The following TTC21B variants were observed in gnomAD, a reference collection of about 807,000 sequenced individuals.
TTC21B encodes tetratricopeptide repeat domain 21B.
In TTC21B, 127 loss-of-function variants were observed where a neutral mutation model predicts 175.1. That is an observed-to-expected ratio of 0.73 (90% CI 0.63 to 0.84). The LOEUF (loss-of-function observed/expected upper bound fraction) is 0.84. TTC21B is among the 40% of genes least tolerant of loss of function. The probability of loss-of-function intolerance (pLI) is 0.00; values close to 1 mark genes in which losing one functional copy is unlikely to be tolerated. For synonymous variants in TTC21B, 524 were observed against 524.5 expected (o/e 1.00, Z 0.01); for missense variants, 1,561 against 1,558.3 (o/e 1.00, Z -0.03).
chr2:165,944,981 T>C (rs1245680216), intron 4 of TTC21B, among the ~76,000 whole-genome samples: 1 of 152,202 alleles, frequency 6.6e-6, no homozygotes, highest in Non-Finnish European at 1.5e-5. Context: ...TTTAAAACAG[T>C]GCCTAGCACA....
rs547150538 is a variant in TTC21B, at chr2:165,941,269, G to A, written c.553-85C>T. ...AACGCAGAGCAGGCAGAGTATGAGC[G>A]TTTAATACTTACTTTTCTGTGAGGA... is the stretch of plus-strand genomic sequence containing the variant. On this transcript the variant is annotated intron_variant, in intron 5 of 28. Coordinates refer to ENST00000243344, the MANE Select transcript of TTC21B (RefSeq NM_024753.5). 1.7e-5 allele frequency: 24 copies of A among 1,446,608 alleles called. No individual in the cohort carries two copies. The South Asian group carries it at 2.2e-4, about 13-fold the overall frequency. The allele number at this position is 1,446,608 out of a possible 1,614,324, so 89.6% of individuals were successfully genotyped here. A position where few individuals can be genotyped will look rare whatever the true frequency, so the allele number is the denominator to read the frequency against.
At chr2:165,929,931 C>T (rs1686823920) in intron 9 of TTC21B, among the ~76,000 whole-genome samples, 184 bp from the exon 10 acceptor site, 1 of 151,872 alleles carries the variant, frequency 6.6e-6, no homozygotes, top group Admixed American at 6.6e-5. Context: ...AGCCTTGGAC[C>T]TTATAAAATC....
At chr2:165,890,706 A>C in intron 23 of TTC21B, 66 bp from the exon 24 acceptor site, 1 of 1,565,080 alleles carries the variant, frequency 6.4e-7, no homozygotes, top group Non-Finnish European at 8.8e-7. Context: ...TTAGTTTATA[A>C]TCTGTCTGGT....
Position 165,924,644 on chromosome 2 carries a change from A to G in TTC21B, c.1421T>C (p.Leu474Pro), listed in dbSNP as rs1326418881. The G allele has an allele frequency of 6.2e-7, 1 of 1,613,772 alleles. No homozygotes were observed. Among genetic ancestry groups the G allele is most frequent in the South Asian group, 1.1e-5 (1 of 91,060 alleles). ...CTCCAGGACTGAGATGCAACGCCTG[A>G]GAAGTGGACAAAGAGGTTGCCCAGG... ...ASPGQPLCPLLRRCISVLETV... is the reference protein window; with the variant it reads ...ASPGQPLCPLPRRCISVLETV... The change falls in exon 12 of 29, where the codon CTC becomes CCC. Residue 474 changes from leucine to proline, a missense_variant. Leu to Pro is a moderately conservative substitution (Grantham distance 98). Transcript: ENST00000243344.
Position 165,945,677 on chromosome 2 carries a change from A to C in TTC21B, c.276T>G (p.Ile92Met), listed in dbSNP as rs375166644. 15 of 1,613,392 alleles carry C rather than the reference A, an allele frequency of 9.3e-6. No homozygotes were observed. The South Asian group carries it at 1.4e-4, about 15-fold the overall frequency. The change falls in exon 4 of 29, where the codon ATT becomes ATG. Residue 92 changes from isoleucine (I) to methionine (M), a missense_variant. Coordinates refer to ENST00000243344, the MANE Select transcript of TTC21B (RefSeq NM_024753.5). Reference sequence around the variant, plus strand: ...CCTTCACTCTGGCATCTGATTCCAGAATAGCTTCTCTATCTGGTAGGGGAA... The same window carrying C: ...CCTTCACTCTGGCATCTGATTCCAGCATAGCTTCTCTATCTGGTAGGGGAA... ...KMSPNPDREA[I>M]LESDARVKEQ...
chr2:165,933,459 C>T (rs1686987747), intron 6 of TTC21B, among the ~76,000 whole-genome samples: 1 of 151,992 alleles, frequency 6.6e-6, no homozygotes, highest in Non-Finnish European at 1.5e-5. Context: ...ACAACAGATT[C>T]CTACGTGATA....
intron 25 of TTC21B, among the ~76,000 whole-genome samples, chr2:165,887,836 T>G (rs1264271376): frequency 6.6e-6 from 1 of 152,248 alleles, no homozygotes; most frequent in African/African-American, 2.4e-5. Flanking sequence ...TTTGTATGAC[T>G]AAATTATAAG....
rs772342756 is a variant in TTC21B, at chr2:165,933,040, C to T, written c.728G>A (p.Ser243Asn). 1.9e-6 allele frequency: 3 copies of T among 1,612,672 alleles called. No individual in the cohort carries two copies. Among genetic ancestry groups the T allele is most frequent in the Non-Finnish European group, 2.5e-6 (3 of 1,179,382 alleles). ...ETAQRLLLQD[S>N]QNVEALRMQA... ...CATTCTCAGTGCTTCCACATTTTGG[C>T]TATCTTGGAGCAGCAACCTGCAGGA... is the stretch of plus-strand genomic sequence containing the variant. The change falls in exon 7 of 29, where the codon AGC becomes AAC. Residue 243 changes from serine to asparagine, a missense_variant. Coordinates refer to ENST00000243344, the MANE Select transcript of TTC21B (RefSeq NM_024753.5).
chr2:165,916,121 A>G (rs1383967984), intron 14 of TTC21B, among the ~76,000 whole-genome samples: 2 of 152,144 alleles, frequency 1.3e-5, no homozygotes, highest in African/African-American at 4.8e-5. Flanking sequence ...TCTACAAAAT[A>G]TTTTAAAAAC....
At position 165,874,739 on chromosome 2, in the gene TTC21B, T is replaced by G; in HGVS notation, c.*16A>C. Reference sequence around the variant, plus strand: ...TTTCATTTCCTGTTAAACCAACACCTAAGTTAAAATTATTTTCAAGGTCTT... The same window carrying G: ...TTTCATTTCCTGTTAAACCAACACCGAAGTTAAAATTATTTTCAAGGTCTT... On this transcript the variant is annotated 3_prime_UTR_variant, in exon 29 of 29. Coordinates refer to ENST00000243344, the MANE Select transcript of TTC21B (RefSeq NM_024753.5). 1.2e-6 allele frequency: 2 copies of G among 1,608,690 alleles called. No homozygotes were observed. The highest frequency in any genetic ancestry group is 2.2e-5 in the South Asian group (2 of 90,990).
chr2:165,942,551 A>G lies in TTC21B; in HGVS notation c.552+668T>C, dbSNP rs111816684. 8.3e-3 allele frequency among the ~76,000 whole-genome samples: 1,267 copies of G among 151,754 alleles called. 11 individuals carry two copies. Among genetic ancestry groups the G allele is most frequent in the African/African-American group, 0.028 (1,158 of 41,350 alleles). On this transcript the variant is annotated intron_variant, in intron 5 of 28. Transcript: ENST00000243344. ...CACCACTCCTCCTCACCCCCATCCC[A>G]CCTTTCTTCCTCAGGCCTTCACTTC...
chr2:165,950,744 A>C (rs956584993), intron 1 of TTC21B, among the ~76,000 whole-genome samples: 1 of 152,036 alleles, frequency 6.6e-6, no homozygotes, highest in Non-Finnish European at 1.5e-5. Flanking sequence ...CTGATCTGGG[A>C]CTATAGGCAC....
intron 26 of TTC21B, among the ~76,000 whole-genome samples, chr2:165,882,335 T>C (rs578034330): frequency 2.0e-4 from 31 of 152,208 alleles, no homozygotes; most frequent in Non-Finnish European, 4.4e-4. Flanking sequence ...GAAATAGCAG[T>C]CAGTTCACTA....
intron 27 of TTC21B, among the ~76,000 whole-genome samples, chr2:165,879,285 A>G (rs1684767634): frequency 6.6e-6 from 1 of 152,236 alleles, no homozygotes; most frequent in African/African-American, 2.4e-5. Context: ...TCTATGGAAT[A>G]AAGTGTCAAA....
intron 6 of TTC21B, chr2:165,933,877 T>C (rs1006435635): frequency 6.6e-6 from 1 of 152,240 alleles, no homozygotes; most frequent in African/African-American, 2.4e-5. Context: ...GCTTGTTCTC[T>C]GGCACTTGCT....
intron 18 of TTC21B, among the ~76,000 whole-genome samples, chr2:165,908,424 G>C (rs1010801661): frequency 6.6e-5 from 10 of 152,080 alleles, no homozygotes; most frequent in Non-Finnish European, 1.5e-4. Context: ...AACAAACTCT[G>C]GTACGTGGTA....
At chr2:165,940,989 A>T (rs1426983094) in intron 6 of TTC21B, 38 bp downstream of exon 6, 5 of 1,611,462 alleles carry the variant, frequency 3.1e-6, no homozygotes, top group Non-Finnish European at 4.2e-6. Flanking sequence ...AATTATAACC[A>T]AATCCAAAGA....
At chr2:165,931,478 T>A (rs1686904147) in intron 8 of TTC21B, among the ~76,000 whole-genome samples, 1 of 152,136 alleles carries the variant, frequency 6.6e-6, no homozygotes, top group Admixed American at 6.6e-5. Context: ...ATAAATCTTA[T>A]GCTCTGATGA....
intron 15 of TTC21B, among the ~76,000 whole-genome samples, chr2:165,914,657 C>CTGTGTG (rs551411661): frequency 0.07 from 8,220 of 118,068 alleles, 381 homozygotes; most frequent in Middle Eastern, 0.17. Context: ...GAAGAGCAAT[C>CTGTGTG]TGTGTGTGTG....
Sources: gnomAD v4.1 joint callset for allele counts (sites outside exome capture counted in the v4.1 genomes callset) on GRCh38, gnomAD v4.1.1 for gene constraint, MANE v1.5 for transcripts, NCBI Gene and HGNC (gene_info 2026-07-23, HGNC 2026-07-21) for gene names.